CCDC70: variants seen among roughly 807,000 people sequenced by gnomAD.
CCDC70 encodes coiled-coil domain containing 70.
A neutral mutation model predicts 9.1 loss-of-function variants in CCDC70; 4 were observed. The observed-to-expected ratio is 0.44, with a 90% CI of 0.22 to 1.00. The LOEUF is 1.00. Ranked by LOEUF, CCDC70 falls within the 50% of genes least tolerant of loss-of-function variation. CCDC70 has a pLI of 0.25. For missense variants in CCDC70, 308 were observed against 271.3 expected (o/e 1.14, Z -0.95); for synonymous variants, 119 against 94.0 (o/e 1.27, Z -1.54).
rs1363331114 is a variant in CCDC70 at position 51,861,972 on chromosome 13, C to T, written c.-338C>T. The stretch of plus-strand genomic sequence containing the variant: ...CTTGTGAGTCATCAACAGCACTGCC[C>T]TATCAGTGAAGTCAAAGATTGAAGA... On this transcript the variant is annotated 5_prime_UTR_variant, in exon 1 of 2. Coordinates refer to ENST00000242819, the MANE Select transcript of CCDC70 (RefSeq NM_031290.4). 6.6e-6 allele frequency: 1 copy of T among 152,298 alleles called. No homozygotes were observed. Among genetic ancestry groups the T allele is most frequent in the Non-Finnish European group, 1.5e-5 (1 of 68,048 alleles). 9.4% of individuals were successfully genotyped at this position (152,298 alleles called of 1,614,324 possible). A position where few individuals can be genotyped will look rare whatever the true frequency, so the allele number is the denominator to read the frequency against.
intron 1 of CCDC70, among the ~76,000 whole-genome samples, chr13:51,864,826 T>C (rs796190339): frequency 4.1e-4 from 63 of 152,300 alleles, no homozygotes; most frequent in African/African-American, 1.4e-3. Flanking sequence ...GTCTCTCACC[T>C]TTTTGTTTTA....
At position 51,865,863 on chromosome 13, in the gene CCDC70, C is replaced by A; in HGVS notation, c.452C>A (p.Ala151Asp). 1.4e-5 allele frequency: 23 copies of A among 1,613,600 alleles called. No homozygotes were observed. The highest frequency in any genetic ancestry group is 1.9e-5 in the Non-Finnish European group (23 of 1,179,876). Residue 151 changes from alanine to aspartate, a missense_variant, in exon 2 of 2, where the codon GCC becomes GAC. Transcript: ENST00000242819. ...AAGGCCCTGTGGGAGGAAGAAAAGG[C>A]CCTGTGGGTAGAGGAAAGAGCCCTC... ...EDKALWEEEK[A>D]LWVEERALLE... is the part of the protein sequence containing the mutation.
At chr13:51,864,774 T>C (rs566172077) in intron 1 of CCDC70, among the ~76,000 whole-genome samples, 44 of 152,332 alleles carry the variant, frequency 2.9e-4, no homozygotes, top group African/African-American at 1.0e-3. Context: ...AAATATTGTG[T>C]GAGGGCCTTC....
At position 51,866,187 on chromosome 13, in the gene CCDC70, C is replaced by A; in HGVS notation, c.*107C>A. ...AAATACACACTCATTGGTCTCCTTG[C>A]TTTGAAAGATCCAATAAAGTCCTGA... On this transcript the variant is annotated 3_prime_UTR_variant, in exon 2 of 2. Transcript: ENST00000242819. The A allele has an allele frequency of 3.2e-6, 3 of 952,004 alleles. No homozygotes were observed. Among genetic ancestry groups the A allele is most frequent in the Non-Finnish European group, 4.5e-6 (3 of 660,590 alleles). The allele number at this position is 952,004 out of a possible 1,614,324, so 59.0% of individuals were successfully genotyped here.
chr13:51,865,450 C>G lies in CCDC70; in HGVS notation c.39C>G (p.Ala13=), dbSNP rs760272401. The part of the protein sequence containing the change: ...SFKVSRWMGL[A]CFRSLAASSP... ...AGGTGAGCAGATGGATGGGGCTTGC[C>G]TGCTTCCGGTCCCTGGCGGCATCCT... Residue 13 remains alanine, a synonymous_variant, in exon 2 of 2, where the codon GCC becomes GCG. Coordinates refer to ENST00000242819, the MANE Select transcript of CCDC70 (RefSeq NM_031290.4). 6.2e-7 allele frequency: 1 copy of G among 1,614,086 alleles called. No homozygotes were observed.
rs1404864160 is a variant in CCDC70, at chr13:51,865,586, T to G, written c.175T>G (p.Trp59Gly). 3 of 1,614,208 alleles carry G rather than the reference T, an allele frequency of 1.9e-6. No individual in the cohort carries two copies. The highest frequency in any genetic ancestry group is 2.5e-6 in the Non-Finnish European group (3 of 1,180,032). ...AATAGAGGACTTCAGGGAAGAGATG[T>G]GGACTTTCCGAGGCAAGATCCATGC... is the stretch of plus-strand genomic sequence containing the variant. ...EKIEDFREEM[W>G]TFRGKIHAFR... is the part of the protein sequence containing the mutation. Residue 59 changes from tryptophan to glycine, a missense_variant, in exon 2 of 2, where the codon TGG (tryptophan) becomes GGG (glycine). Trp to Gly is a radical substitution (Grantham distance 184). Coordinates refer to ENST00000242819, the MANE Select transcript of CCDC70 (RefSeq NM_031290.4).
In CCDC70 at chr13:51,865,846, G is replaced by A; in HGVS notation, c.435G>A (p.Leu145=). ...DRNLLQEDKA[L]WEEEKALWVE... is the part of the protein sequence containing the mutation. ...ACCTTCTTCAGGAGGACAAGGCCCT[G>A]TGGGAGGAAGAAAAGGCCCTGTGGG... Residue 145 remains leucine, a synonymous_variant, in exon 2 of 2, where the codon CTG becomes CTA. Coordinates refer to ENST00000242819, the MANE Select transcript of CCDC70 (RefSeq NM_031290.4). 1 of 1,613,956 alleles carries A rather than the reference G, an allele frequency of 6.2e-7. No homozygotes were observed. The highest frequency in any genetic ancestry group is 8.5e-7 in the Non-Finnish European group (1 of 1,179,986).
chr13:51,865,692 A>C lies in CCDC70; in HGVS notation c.281A>C (p.Lys94Thr), dbSNP rs1299986799. Residue 94 changes from lysine (K) to threonine (T), a missense_variant, in exon 2 of 2, where the codon AAA (lysine) becomes ACA (threonine). Lys to Thr is a moderately conservative substitution (Grantham distance 78, BLOSUM62 -1). Transcript: ENST00000242819. ...EEEKTFWKEE[K>T]SFWEMEKSFR... ...GAGAAAACCTTCTGGAAAGAGGAAA[A>C]ATCCTTCTGGGAAATGGAAAAGTCT... The C allele has an allele frequency of 6.2e-7, 1 of 1,614,176 alleles. No homozygotes were observed. Among genetic ancestry groups the C allele is most frequent in the Non-Finnish European group, 8.5e-7 (1 of 1,180,024 alleles).
intron 1 of CCDC70, among the ~76,000 whole-genome samples, chr13:51,863,666 C>CAG (rs1956397429): frequency 2.6e-5 from 2 of 76,550 alleles, no homozygotes; most frequent in Admixed American, 3.2e-4. Flanking sequence ...TATGCACGCG[C>CAG]ACACAGACAC....
chr13:51,865,780 C>T lies in CCDC70; in HGVS notation c.369C>T (p.Ala123=). The change falls in exon 2 of 2, where the codon GCC becomes GCT. Residue 123 remains alanine (A), a synonymous_variant. Coordinates refer to ENST00000242819, the MANE Select transcript of CCDC70 (RefSeq NM_031290.4). ...KYRTFWKEDK[A]FWKEDNALWE... is the part of the protein sequence containing the mutation. ...GCACTTTCTGGAAGGAGGATAAGGC[C>T]TTCTGGAAAGAGGACAATGCCTTAT... 6.2e-7 allele frequency: 1 copy of T among 1,614,160 alleles called. No individual in the cohort carries two copies. Among genetic ancestry groups the T allele is most frequent in the South Asian group, 1.1e-5 (1 of 91,084 alleles).
rs199744746 is a variant in CCDC70, at chr13:51,865,546, A to C, written c.135A>C (p.Lys45Asn). ...AAAAGGCTTTTCGCGAAGAGATGAA[A>C]ATTTTTCGTGAAAAAATAGAGGACT... ...QEEKAFREEM[K>N]IFREKIEDFR... is the part of the protein sequence containing the mutation. Residue 45 changes from lysine to asparagine, a missense_variant, in exon 2 of 2, where the codon AAA becomes AAC. Lys to Asn is a moderately conservative substitution (Grantham distance 94, BLOSUM62 0). Transcript: ENST00000242819. 1.1e-5 allele frequency: 18 copies of C among 1,614,158 alleles called. No homozygotes were observed. The East Asian group carries it at 3.8e-4, about 34-fold the overall frequency.
At chr13:51,864,801 G>C (rs1809754471) in intron 1 of CCDC70, among the ~76,000 whole-genome samples, 1 of 152,110 alleles carries the variant, frequency 6.6e-6, no homozygotes, top group Non-Finnish European at 1.5e-5. Flanking sequence ...CATGTCCCTG[G>C]AAACATTCAC....
Position 51,865,754 on chromosome 13 carries a change from C to T in CCDC70, c.343C>T (p.Arg115Cys), listed in dbSNP as rs17076052. The change falls in exon 2 of 2, where the codon CGC (arginine) becomes TGC (cysteine). Residue 115 changes from arginine to cysteine, a missense_variant. Coordinates refer to ENST00000242819, the MANE Select transcript of CCDC70 (RefSeq NM_031290.4). ...AGAGAAAACTTTCTGGAAAAAGTACCGCACTTTCTGGAAGGAGGATAAGGC... is the reference window on the plus strand; with the variant it reads ...AGAGAAAACTTTCTGGAAAAAGTACTGCACTTTCTGGAAGGAGGATAAGGC... Reference protein sequence around the residue: ...EEEKTFWKKYRTFWKEDKAFW... With the variant: ...EEEKTFWKKYCTFWKEDKAFW... 35,642 of 1,613,954 alleles carry T rather than the reference C, an allele frequency of 0.022. 1,701 individuals carry two copies. Among genetic ancestry groups the T allele is most frequent in the African/African-American group, 0.18 (13,789 of 74,926 alleles).
chr13:51,865,851 A>AGGAAGAAAAGGCCCTGTGGGT lies in CCDC70; in HGVS notation c.441_461dup (p.Lys150_Glu156dup). On this transcript the variant is annotated inframe_insertion, in exon 2 of 2. Transcript: ENST00000242819. ...CTTCAGGAGGACAAGGCCCTGTGGG[A>AGGAAGAAAAGGCCCTGTGGGT]GGAAGAAAAGGCCCTGTGGGTAGAG... The AGGAAGAAAAGGCCCTGTGGGT allele has an allele frequency of 1.2e-6, 2 of 1,613,798 alleles. No homozygotes were observed.
At chr13:51,865,287 T>G (rs1331503831) in intron 1 of CCDC70, 45 bp from the exon 2 acceptor site, 10 of 1,034,668 alleles carry the variant, frequency 9.7e-6, no homozygotes, top group South Asian at 6.5e-5. Context: ...GGCCGTCCCC[T>G]GGCATGTGAT....
chr13:51,862,603 A>G (rs902912854), intron 1 of CCDC70, among the ~76,000 whole-genome samples: 1 of 152,164 alleles, frequency 6.6e-6, no homozygotes, highest in Admixed American at 6.5e-5. Context: ...CCAGACATAG[A>G]GATGGAAGAT....
Position 51,866,211 on chromosome 13 carries a change from G to A in CCDC70, c.*131G>A. The A allele has an allele frequency of 1.2e-6, 1 of 842,252 alleles. No homozygotes were observed. The highest frequency in any genetic ancestry group is 1.8e-6 in the Non-Finnish European group (1 of 568,626). 52.2% of individuals were successfully genotyped at this position (842,252 alleles called of 1,614,324 possible). A position where few individuals can be genotyped will look rare whatever the true frequency, so the allele number is the denominator to read the frequency against. On this transcript the variant is annotated 3_prime_UTR_variant, in exon 2 of 2. Coordinates refer to ENST00000242819, the MANE Select transcript of CCDC70 (RefSeq NM_031290.4). ...GCTTTGAAAGATCCAATAAAGTCCT[G>A]AGGCAAGGTTTGGAAAACCAACTTA...
chr13:51,863,708 C>CA (rs1555276647), intron 1 of CCDC70, among the ~76,000 whole-genome samples: 8,096 of 141,098 alleles, frequency 0.057, 261 homozygotes, highest in Admixed American at 0.078. Context: ...CACACACACA[C>CA]ACCAGCTATG....
chr13:51,866,170 A>G lies in CCDC70; in HGVS notation c.*90A>G. 9.4e-7 allele frequency: 1 copy of G among 1,064,588 alleles called. No homozygotes were observed. Among genetic ancestry groups the G allele is most frequent in the Non-Finnish European group, 1.3e-6 (1 of 754,550 alleles). The allele number at this position is 1,064,588 out of a possible 1,614,324, so 65.9% of individuals were successfully genotyped here. The stretch of plus-strand genomic sequence containing the variant: ...AGCCCATGTGCTGGAGAAAATACAC[A>G]CTCATTGGTCTCCTTGCTTTGAAAG... On this transcript the variant is annotated 3_prime_UTR_variant, in exon 2 of 2. Coordinates refer to ENST00000242819, the MANE Select transcript of CCDC70 (RefSeq NM_031290.4).
Sources: allele counts gnomAD v4.1 joint callset (sites outside exome capture counted in the v4.1 genomes callset), GRCh38; gene constraint gnomAD v4.1.1; transcripts MANE v1.5; gene names NCBI Gene and HGNC (gene_info 2026-07-23, HGNC 2026-07-21).